The following MTRF1 variants were observed in gnomAD, a reference collection of about 807,000 sequenced individuals.
MTRF1 encodes the protein mitochondrial translation release factor 1.
MTRF1 carries 51 observed loss-of-function variants against 62.9 expected under a neutral mutation model. That is an observed-to-expected ratio of 0.81 (90% confidence interval 0.65 to 1.02). MTRF1 has a LOEUF of 1.02. Among genes scored for constraint, MTRF1 ranks in the 50% least tolerant of loss-of-function variants. The pLI, the probability that MTRF1 is intolerant of heterozygous loss-of-function variation, is 0.00. For missense variants in MTRF1, 446 were observed against 530.0 expected, an observed-to-expected ratio of 0.84 and a Z score of 1.56; for synonymous variants, 158 against 181.9, an observed-to-expected ratio of 0.87 and a Z score of 1.06.
the MTRF1 span, among the ~76,000 whole-genome samples, chr13:41,293,470 T>A: frequency 3.4e-4 from 52 of 152,316 alleles, no homozygotes; most frequent in African/African-American, 1.2e-3. Context: ...GAAGCTGTCA[T>A]GGTTTAACAC....
the MTRF1 span, among the ~76,000 whole-genome samples, chr13:41,279,714 C>A: frequency 6.6e-6 from 1 of 152,110 alleles, no homozygotes; most frequent in Non-Finnish European, 1.5e-5. Flanking sequence ...TATTTCCTTG[C>A]CATACCTTGA....
the MTRF1 span, among the ~76,000 whole-genome samples, chr13:41,292,397 A>C: frequency 5.3e-5 from 8 of 152,166 alleles, no homozygotes; most frequent in African/African-American, 1.9e-4. Flanking sequence ...ATCCTGGCTA[A>C]TACGGTGAAA....
At chr13:41,257,047 G>T (rs1366396120) in intron 2 of MTRF1, among the ~76,000 whole-genome samples, 2 of 152,058 alleles carry the variant, frequency 1.3e-5, no homozygotes, top group Non-Finnish European at 2.9e-5. Context: ...GCCAAGCTTT[G>T]TAAGAGGACT....
the MTRF1 span, among the ~76,000 whole-genome samples, chr13:41,298,396 T>TTAAATAGGTTTTTTTTC: frequency 6.6e-6 from 1 of 150,520 alleles, no homozygotes; most frequent in Non-Finnish European, 1.5e-5. Flanking sequence ...ATTACGAAGT[T>TTAAATAGGTTTTTTTTC]ACACTCTCAT....
At chr13:41,311,565 C>T in the MTRF1 span, 6 of 1,608,798 alleles carry the variant, frequency 3.7e-6, 1 homozygote, top group African/African-American at 6.7e-5. Context: ...GGAGAGCAAC[C>T]TCTTCAAACG....
intron 2 of MTRF1, among the ~76,000 whole-genome samples, chr13:41,258,516 G>A: frequency 6.6e-6 from 1 of 150,716 alleles, no homozygotes; most frequent in Non-Finnish European, 1.5e-5. Context: ...GAAGGCTGAG[G>A]CAGGAGGATT....
the MTRF1 span, among the ~76,000 whole-genome samples, chr13:41,299,104 G>GGTGT: frequency 0.88 from 131,468 of 149,662 alleles, 57,781 homozygotes; most frequent in South Asian, 0.95. Context: ...CTTCAACCTG[G>GGTGT]GTGTGTGTGT....
the MTRF1 span, among the ~76,000 whole-genome samples, chr13:41,292,634 A>T: frequency 6.6e-6 from 1 of 151,960 alleles, no homozygotes. Flanking sequence ...ACTGAAAAGA[A>T]GGGTAAAATT....
rs543939023 is a variant in MTRF1 at position 41,231,029 on chromosome 13, A to G, written c.988+2861T>C. 3.3e-5 allele frequency among the ~76,000 whole-genome samples: 5 copies of G among 152,036 alleles called. No homozygotes were observed. In the East Asian group the frequency reaches 9.7e-4, roughly 29 times the overall value. On this transcript the variant is annotated intron_variant, in intron 7 of 9. Transcript: ENST00000379480. ...GCGTGAGCCACTGCACCTGGCCCCC[A>G]CCCCGCTTTTTTTAAATCACACTAC...
At chr13:41,261,753 G>A in intron 1 of MTRF1, 2 of 980,762 alleles carry the variant, frequency 2.0e-6, no homozygotes, top group African/African-American at 3.5e-5. Flanking sequence ...TAAGTTGCCT[G>A]TTCAGGACTC....
intron 2 of MTRF1, among the ~76,000 whole-genome samples, chr13:41,255,494 C>A (rs1191787812): frequency 6.6e-6 from 1 of 152,122 alleles, no homozygotes; most frequent in Non-Finnish European, 1.5e-5. Context: ...AAGTTCGAGA[C>A]CAGCCTGGCC....
the MTRF1 span, among the ~76,000 whole-genome samples, chr13:41,289,232 A>ATTTTTT: frequency 7.3e-6 from 1 of 137,494 alleles, no homozygotes; most frequent in African/African-American, 2.7e-5. Flanking sequence ...GTGGATTTAA[A>ATTTTTT]TTTTTTTTTT....
the MTRF1 span, among the ~76,000 whole-genome samples, chr13:41,283,508 A>G: frequency 6.7e-6 from 1 of 149,978 alleles, no homozygotes; most frequent in Admixed American, 6.6e-5. Flanking sequence ...TACATTCCAC[A>G]TAGGGCTAAC....
intron 5 of MTRF1, among the ~76,000 whole-genome samples, chr13:41,249,307 C>T (rs902947560): frequency 3.9e-5 from 6 of 152,106 alleles, no homozygotes; most frequent in Middle Eastern, 3.4e-3. Context: ...TTTGGGAGGC[C>T]GAGGTGGGTG....
chr13:41,268,154 C>A (rs1444460458), upstream of MTRF1, among the ~76,000 whole-genome samples: 1 of 152,108 alleles, frequency 6.6e-6, no homozygotes, highest in African/African-American at 2.4e-5. Flanking sequence ...CCTTATAATT[C>A]TAACATCAGA....
chr13:41,241,427 AT>A (rs1566115479), intron 5 of MTRF1, among the ~76,000 whole-genome samples: 1 of 152,144 alleles, frequency 6.6e-6, no homozygotes, highest in Non-Finnish European at 1.5e-5. Context: ...CAAATCAAAT[AT>A]GTGGTTTAGA....
chr13:41,242,293 G>T (rs2037616854), intron 5 of MTRF1, among the ~76,000 whole-genome samples: 1 of 152,096 alleles, frequency 6.6e-6, no homozygotes, highest in African/African-American at 2.4e-5. Context: ...GGCCCATAGA[G>T]CCTCTTCAAA....
chr13:41,301,604 C>T, the MTRF1 span, among the ~76,000 whole-genome samples: 50 of 152,102 alleles, frequency 3.3e-4, no homozygotes, highest in African/African-American at 6.5e-4. Context: ...AAGAATTAGC[C>T]GGATGTGGTG....
the MTRF1 span, among the ~76,000 whole-genome samples, chr13:41,299,431 T>C: frequency 6.6e-6 from 1 of 152,162 alleles, no homozygotes; most frequent in African/African-American, 2.4e-5. Context: ...GCTTAGGTAT[T>C]TCAAAGTTAC....
Sources: gnomAD v4.1 joint callset for allele counts (sites outside exome capture counted in the v4.1 genomes callset) on GRCh38, gnomAD v4.1.1 for gene constraint, MANE v1.5 for transcripts, NCBI Gene and HGNC (gene_info 2026-07-23, HGNC 2026-07-21) for gene names.